Variants in SHISA9 observed in about 807,000 individuals in gnomAD.
SHISA9 encodes the protein protein shisa-9.
In SHISA9, 13 loss-of-function variants were observed where a neutral mutation model predicts 38.0. That is an observed-to-expected ratio of 0.34 (90% CI 0.22 to 0.54). The LOEUF is 0.54. Among genes scored for constraint, SHISA9 ranks in the 20% least tolerant of loss-of-function variants. The probability of loss-of-function intolerance (pLI) is 0.91; values close to 1 mark genes in which losing one functional copy is unlikely to be tolerated. For synonymous variants in SHISA9, 275 were observed against 242.0 expected (o/e 1.14, Z -1.27); for missense variants, 538 against 575.8 (o/e 0.93, Z 0.67).
chr16:13,179,225 G>A (rs1056315698), intron 2 of SHISA9, among the ~76,000 whole-genome samples: 5 of 152,092 alleles, frequency 3.3e-5, no homozygotes, highest in Admixed American at 6.6e-5. Flanking sequence ...AGGCTGAGGC[G>A]GGAGAACAAC....
At chr16:13,113,970 A>T (rs1258404763) in intron 2 of SHISA9, among the ~76,000 whole-genome samples, 1 of 152,100 alleles carries the variant, frequency 6.6e-6, no homozygotes, top group Admixed American at 6.5e-5. Flanking sequence ...CTTACCATGG[A>T]CATGCTGTAA....
intron 4 of SHISA9, among the ~76,000 whole-genome samples, chr16:13,224,431 C>G (rs2051259180): frequency 2.0e-5 from 3 of 152,192 alleles, no homozygotes; most frequent in Admixed American, 2.0e-4. Flanking sequence ...ATGACTCAGT[C>G]TTCGGTGATA....
chr16:13,270,473 G>A, the SHISA9 span, among the ~76,000 whole-genome samples: 13 of 152,174 alleles, frequency 8.5e-5, no homozygotes, highest in African/African-American at 2.9e-4. Context: ...AAATGAGGGC[G>A]ATAGAATGAG....
At chr16:13,476,738 GTTTTTT>G in the SHISA9 span, among the ~76,000 whole-genome samples, 1 of 65,182 alleles carries the variant, frequency 1.5e-5, no homozygotes, top group African/African-American at 5.5e-5. Flanking sequence ...CCTGTTTTGT[GTTTTTT>G]TTTTTTTTTT....
At chr16:13,206,202 T>A (rs1418894457) in intron 3 of SHISA9, among the ~76,000 whole-genome samples, 1 of 152,202 alleles carries the variant, frequency 6.6e-6, no homozygotes, top group Non-Finnish European at 1.5e-5. Context: ...GGTCTTCTAC[T>A]CTTTAGTTAT....
At chr16:12,928,453 A>C in intron 2 of SHISA9, among the ~76,000 whole-genome samples, 1 of 152,172 alleles carries the variant, frequency 6.6e-6, no homozygotes, top group African/African-American at 2.4e-5. Context: ...CAACCATGAA[A>C]CTTGTCTGGT....
intron 2 of SHISA9, among the ~76,000 whole-genome samples, chr16:13,155,184 G>T (rs1408107410): frequency 6.6e-6 from 1 of 152,220 alleles, no homozygotes; most frequent in African/African-American, 2.4e-5. Context: ...ATTGAACTGG[G>T]ATCAAATGGG....
At chr16:13,156,733 CAAAA>C (rs11289895) in intron 2 of SHISA9, among the ~76,000 whole-genome samples, 11 of 111,424 alleles carry the variant, frequency 9.9e-5, no homozygotes, top group Middle Eastern at 4.8e-3. Context: ...GACTCCGTCT[CAAAA>C]AAAAAAAAAA....
chr16:12,947,033 A>G (rs1465037682), intron 2 of SHISA9, among the ~76,000 whole-genome samples: 4 of 152,218 alleles, frequency 2.6e-5, no homozygotes, highest in Admixed American at 2.6e-4. Context: ...GCCTTTTAAC[A>G]AAAGGTTTCC....
chr16:12,967,328 A>G (rs1485300010), intron 2 of SHISA9, among the ~76,000 whole-genome samples: 2 of 152,126 alleles, frequency 1.3e-5, no homozygotes, highest in Non-Finnish European at 2.9e-5. Flanking sequence ...CAAACACCGC[A>G]TGTTCTCACT....
intron 2 of SHISA9, among the ~76,000 whole-genome samples, chr16:13,034,213 C>G (rs1173276192): frequency 6.6e-6 from 1 of 151,680 alleles, no homozygotes; most frequent in Non-Finnish European, 1.5e-5. Flanking sequence ...GAGAAGTAGT[C>G]TGCTTGACTC....
intron 2 of SHISA9, among the ~76,000 whole-genome samples, chr16:13,016,705 C>T (rs2072761767): frequency 6.6e-6 from 1 of 152,116 alleles, no homozygotes; most frequent in Admixed American, 6.6e-5. Flanking sequence ...TGGCCTATGA[C>T]TATATTTACA....
At chr16:12,910,312 T>A in intron 1 of SHISA9, 1 of 225,644 alleles carries the variant, frequency 4.4e-6, no homozygotes, top group Non-Finnish European at 7.4e-6. Flanking sequence ...AATTCATTCA[T>A]TCATTCTTTC....
At chr16:12,962,700 A>T (rs867656990) in intron 2 of SHISA9, among the ~76,000 whole-genome samples, 1 of 152,238 alleles carries the variant, frequency 6.6e-6, no homozygotes, top group African/African-American at 2.4e-5. Context: ...GAATTGTGAG[A>T]AATAAATGTC....
intron 2 of SHISA9, among the ~76,000 whole-genome samples, chr16:13,038,151 G>A (rs556844794): frequency 7.9e-5 from 12 of 152,162 alleles, no homozygotes; most frequent in African/African-American, 1.2e-4. Context: ...CATCATGCCT[G>A]GCTAATTTTT....
chr16:13,385,347 G>A, the SHISA9 span, among the ~76,000 whole-genome samples: 1 of 152,228 alleles, frequency 6.6e-6, no homozygotes, highest in South Asian at 2.1e-4. Flanking sequence ...TTACAGGAAT[G>A]CTTATAGCAG....
At chr16:13,550,146 C>T in the SHISA9 span, among the ~76,000 whole-genome samples, 2 of 151,998 alleles carry the variant, frequency 1.3e-5, no homozygotes, top group African/African-American at 4.8e-5. Context: ...GCCCCCGAGG[C>T]AGGAGAGAGG....
At chr16:13,506,460 A>G in the SHISA9 span, among the ~76,000 whole-genome samples, 1,065 of 152,272 alleles carry the variant, frequency 7.0e-3, 16 homozygotes, top group African/African-American at 0.025. Context: ...AGGGGAGGAG[A>G]GACAAGGAGT....
intron 2 of SHISA9, among the ~76,000 whole-genome samples, chr16:13,150,837 A>T (rs553633573): frequency 6.6e-6 from 1 of 152,342 alleles, no homozygotes; most frequent in East Asian, 1.9e-4. Context: ...GGTAGGGATT[A>T]TATCCAAGAT....
Sources: allele counts gnomAD v4.1 joint callset (sites outside exome capture counted in the v4.1 genomes callset), GRCh38; gene constraint gnomAD v4.1.1; transcripts MANE v1.5; gene names NCBI Gene and HGNC (gene_info 2026-07-23, HGNC 2026-07-21).